The following PCDH15 variants were observed in gnomAD, a reference collection of about 807,000 sequenced individuals.
PCDH15 encodes protocadherin related 15.
Under a neutral mutation model 178.5 loss-of-function variants are expected in PCDH15, and 129 were observed. The ratio of observed to expected loss-of-function variants is 0.72; its 90% CI spans 0.63 to 0.84. The LOEUF (loss-of-function observed/expected upper bound fraction) is 0.84, where lower values mean the gene tolerates loss of function less well. Ranked by LOEUF, PCDH15 falls within the 40% of genes least tolerant of loss-of-function variation. The probability of loss-of-function intolerance (pLI) is 0.00; values close to 1 mark genes in which losing one functional copy is unlikely to be tolerated. For missense variants in PCDH15, 2,230 were observed against 2,099.9 expected, an observed-to-expected ratio of 1.06 and a Z score of -1.21; for synonymous variants, 800 against 732.0, an observed-to-expected ratio of 1.09 and a Z score of -1.50.
At chr10:55,104,689 T>C (rs1842637186) in intron 2 of PCDH15, among the ~76,000 whole-genome samples, 1 of 152,222 alleles carries the variant, frequency 6.6e-6, no homozygotes. Flanking sequence ...AAGTAGGTAC[T>C]ACTGTACCTC....
At chr10:54,427,198 T>C (rs1589355426) in intron 3 of PCDH15, among the ~76,000 whole-genome samples, 1 of 151,398 alleles carries the variant, frequency 6.6e-6, no homozygotes, top group East Asian at 1.9e-4. Context: ...CTTTCTCAAG[T>C]AAGCTATCTT....
At chr10:55,548,764 G>T (rs1841943490) in intron 2 of PCDH15, among the ~76,000 whole-genome samples, 1 of 152,096 alleles carries the variant, frequency 6.6e-6, no homozygotes, top group South Asian at 2.1e-4. Flanking sequence ...ATGTACCATG[G>T]GAAGTGAAAG....
intron 21 of PCDH15, among the ~76,000 whole-genome samples, chr10:53,968,062 A>T (rs1056542281): frequency 7.9e-5 from 12 of 152,100 alleles, no homozygotes; most frequent in African/African-American, 2.9e-4. Flanking sequence ...GCATTGCCTC[A>T]CCTGGGAAGC....
At chr10:55,129,226 T>C (rs371123034) in intron 2 of PCDH15, among the ~76,000 whole-genome samples, 5 of 152,214 alleles carry the variant, frequency 3.3e-5, no homozygotes, top group African/African-American at 1.2e-4. Flanking sequence ...ATGTATTAAA[T>C]GTCCCACTTG....
At chr10:54,935,568 T>C (rs1344156612) in intron 2 of PCDH15, among the ~76,000 whole-genome samples, 1 of 152,116 alleles carries the variant, frequency 6.6e-6, no homozygotes, top group African/African-American at 2.4e-5. Context: ...TTTTCTTTCC[T>C]TGCTAACCTT....
chr10:55,005,309 C>A (rs973619036), intron 2 of PCDH15, among the ~76,000 whole-genome samples: 3 of 151,588 alleles, frequency 2.0e-5, no homozygotes, highest in Non-Finnish European at 4.4e-5. Context: ...CCCTCCAATT[C>A]AAGAGGAATT....
chr10:55,241,582 G>T (rs1279936700), intron 1 of PCDH15, among the ~76,000 whole-genome samples: 1 of 151,942 alleles, frequency 6.6e-6, no homozygotes, highest in Non-Finnish European at 1.5e-5. Context: ...ACCGTGCCTG[G>T]CTAATTTTTT....
chr10:53,991,695 T>G (rs562114173), intron 21 of PCDH15, among the ~76,000 whole-genome samples: 28 of 152,088 alleles, frequency 1.8e-4, no homozygotes, highest in Non-Finnish European at 3.8e-4. Flanking sequence ...AACGCACCAA[T>G]CAGTGCTCTG....
intron 3 of PCDH15, among the ~76,000 whole-genome samples, chr10:54,868,646 C>G (rs1265567986): frequency 6.6e-6 from 1 of 152,168 alleles, no homozygotes; most frequent in Non-Finnish European, 1.5e-5. Context: ...CTTCTTTGTA[C>G]AGCAAACATG....
At chr10:55,027,512 G>T (rs1840503364) in intron 2 of PCDH15, among the ~76,000 whole-genome samples, 1 of 151,820 alleles carries the variant, frequency 6.6e-6, no homozygotes, top group African/African-American at 2.4e-5. Flanking sequence ...GGTGAAGTTG[G>T]ATTGTTATTG....
chr10:53,839,088 T>C (rs1042949818), intron 29 of PCDH15, among the ~76,000 whole-genome samples: 4 of 150,490 alleles, frequency 2.7e-5, no homozygotes, highest in African/African-American at 9.8e-5. Context: ...CCTGTAGTCC[T>C]AGCTTCTCAG....
At chr10:55,447,530 T>C (rs1226455776) in intron 2 of PCDH15, among the ~76,000 whole-genome samples, 1 of 151,968 alleles carries the variant, frequency 6.6e-6, no homozygotes, top group Non-Finnish European at 1.5e-5. Flanking sequence ...GCTTCAGGCT[T>C]AATGAGCAAT....
chr10:54,116,052 A>G (rs2095107177), intron 15 of PCDH15, among the ~76,000 whole-genome samples: 1 of 152,194 alleles, frequency 6.6e-6, no homozygotes. Flanking sequence ...AAGGGGAAGA[A>G]GTATCAAAGA....
chr10:55,028,052 G>T (rs1176438263), intron 2 of PCDH15, among the ~76,000 whole-genome samples: 1 of 151,786 alleles, frequency 6.6e-6, no homozygotes, highest in East Asian at 1.9e-4. Flanking sequence ...GTCAATATCA[G>T]CAAAAGTAAT....
At chr10:55,201,369 G>A (rs1840243490) in intron 1 of PCDH15, among the ~76,000 whole-genome samples, 1 of 152,052 alleles carries the variant, frequency 6.6e-6, no homozygotes, top group Non-Finnish European at 1.5e-5. Context: ...ATGCATACTA[G>A]TTTAAGTTGT....
At chr10:54,369,695 A>G (rs553295617) in intron 4 of PCDH15, among the ~76,000 whole-genome samples, 6 of 152,160 alleles carry the variant, frequency 3.9e-5, no homozygotes, top group African/African-American at 2.4e-5. Flanking sequence ...CTGGAATATT[A>G]TATGTTCATT....
intron 3 of PCDH15, among the ~76,000 whole-genome samples, chr10:54,428,523 C>T (rs1295240505): frequency 1.3e-5 from 2 of 152,196 alleles, no homozygotes; most frequent in African/African-American, 2.4e-5. Context: ...TACTTAGTTG[C>T]ATCTGCATTG....
chr10:55,510,462 T>A (rs568555701), intron 2 of PCDH15, among the ~76,000 whole-genome samples: 2 of 152,068 alleles, frequency 1.3e-5, no homozygotes, highest in South Asian at 4.1e-4. Context: ...AGCTAACGTG[T>A]TTTTCTCCCT....
intron 2 of PCDH15, among the ~76,000 whole-genome samples, chr10:55,567,451 A>C (rs1031922862): frequency 1.3e-5 from 2 of 151,694 alleles, no homozygotes; most frequent in Admixed American, 1.3e-4. Flanking sequence ...AAAAAAGAAG[A>C]TGAAATAAAA....
Sources: gnomAD v4.1 joint callset for allele counts (sites outside exome capture counted in the v4.1 genomes callset) on GRCh38, gnomAD v4.1.1 for gene constraint, MANE v1.5 for transcripts, NCBI Gene and HGNC (gene_info 2026-07-23, HGNC 2026-07-21) for gene names.